Variants in DCAF12 observed in about 807,000 individuals in gnomAD.
DCAF12 encodes DDB1- and CUL4-associated factor 12.
A neutral mutation model predicts 52.8 loss-of-function variants in DCAF12; 28 were observed. That is an observed-to-expected ratio of 0.53 (90% CI 0.39 to 0.73). The LOEUF is 0.73. Among genes scored for constraint, DCAF12 ranks in the 30% least tolerant of loss-of-function variants. The probability of loss-of-function intolerance (pLI) is 0.00; values close to 1 mark genes in which losing one functional copy is unlikely to be tolerated. For missense variants in DCAF12, 425 were observed against 552.2 expected (o/e 0.77, Z 2.31); for synonymous variants, 196 against 215.5 (o/e 0.91, Z 0.79).
At position 34,087,670 on chromosome 9, in the gene DCAF12, C is replaced by T. The variant is rs890268295; in HGVS notation, c.*680G>A. 1 of 152,120 alleles carries T rather than the reference C, an allele frequency of 6.6e-6. No individual in the cohort carries two copies. The highest frequency in any genetic ancestry group is 2.4e-5 in the African/African-American group (1 of 41,436). The allele number at this position is 152,120 out of a possible 1,614,324, so 9.4% of individuals were successfully genotyped here. On this transcript the variant is annotated 3_prime_UTR_variant, in exon 9 of 9. Transcript: ENST00000361264. ...CCTGGCATGGGAGGCCCCAGGAAGC[C>T]TACAATCTAACTAAAAAGATTTTCC...
At chr9:34,090,181 A>G (rs1238523047) in intron 7 of DCAF12, among the ~76,000 whole-genome samples, 1 of 152,116 alleles carries the variant, frequency 6.6e-6, no homozygotes, top group Non-Finnish European at 1.5e-5. Flanking sequence ...CTCCTGCCTT[A>G]GCCTCCCAAG....
In DCAF12 at chr9:34,126,471, G is replaced by A. The variant is rs1454125569; in HGVS notation, c.-40C>T. 2.5e-6 allele frequency: 4 copies of A among 1,590,888 alleles called. No individual in the cohort carries two copies. Among genetic ancestry groups the A allele is most frequent in the African/African-American group, 2.7e-5 (2 of 74,804 alleles). On this transcript the variant is annotated 5_prime_UTR_variant, in exon 1 of 9. Transcript: ENST00000361264. The stretch of plus-strand genomic sequence containing the variant: ...CCGCGGCCCCGCAGCCACATGGGGC[G>A]GGGGAAGCGAAGGATAGCAGGACGG...
At chr9:34,116,120 T>C (rs1055081992) in intron 2 of DCAF12, among the ~76,000 whole-genome samples, 1 of 151,998 alleles carries the variant, frequency 6.6e-6, no homozygotes, top group African/African-American at 2.4e-5. Context: ...TCCTAGCACT[T>C]TGGGAGGTGG....
At chr9:34,098,047 A>T (rs1355311506) in intron 5 of DCAF12, among the ~76,000 whole-genome samples, 2 of 152,216 alleles carry the variant, frequency 1.3e-5, no homozygotes, top group African/African-American at 4.8e-5. Flanking sequence ...GCATGTGCAA[A>T]TGACAGACAG....
Position 34,107,509 on chromosome 9 carries a change from G to C in DCAF12, c.390C>G (p.Asp130Glu). The C allele has an allele frequency of 6.2e-7, 1 of 1,614,156 alleles. No individual in the cohort carries two copies. Among genetic ancestry groups the C allele is most frequent in the Non-Finnish European group, 8.5e-7 (1 of 1,180,028 alleles). ...GCTGGGTCACACCTCCAGGCTCCCG[G>C]TCTTTCAGAATGGGGATCTTGGTGA... ...SQITKIPILK[D>E]REPGGVTQQG... Residue 130 changes from aspartate (D) to glutamate (E), a missense_variant, in exon 3 of 9, where the codon GAC (aspartate) becomes GAG (glutamate). Around this residue, in one of 3 missense-constraint regions of DCAF12, gnomAD observed 328 missense variants for 444.4 expected, o/e 0.74. Transcript: ENST00000361264.
intron 4 of DCAF12, among the ~76,000 whole-genome samples, chr9:34,099,473 C>G (rs898468736): frequency 2.0e-5 from 3 of 151,952 alleles, no homozygotes. Context: ...CTCAAGTGAT[C>G]CACCTGCCTC....
chr9:34,112,464 T>C (rs1029147601), intron 2 of DCAF12, among the ~76,000 whole-genome samples: 5 of 148,298 alleles, frequency 3.4e-5, no homozygotes, highest in African/African-American at 1.2e-4. Context: ...TGTGGTGGCG[T>C]GAGTCTGTAA....
At chr9:34,101,835 C>T (rs1828834008) in intron 4 of DCAF12, among the ~76,000 whole-genome samples, 1 of 151,572 alleles carries the variant, frequency 6.6e-6, no homozygotes, top group Non-Finnish European at 1.5e-5. Flanking sequence ...AGCAACATGG[C>T]GAAACCCCAT....
intron 8 of DCAF12, among the ~76,000 whole-genome samples, chr9:34,088,834 G>A (rs183634267): frequency 6.6e-6 from 1 of 152,280 alleles, no homozygotes; most frequent in African/African-American, 2.4e-5. Flanking sequence ...TGGAGGTGGG[G>A]CGCAGTGGTT....
At chr9:34,103,210 GA>G (rs1828857582) in intron 4 of DCAF12, among the ~76,000 whole-genome samples, 1 of 148,836 alleles carries the variant, frequency 6.7e-6, no homozygotes, top group African/African-American at 2.5e-5. Flanking sequence ...AGGAGTTCAA[GA>G]CCAACCTGGC....
At chr9:34,091,398 A>T (rs1468505611) in intron 7 of DCAF12, among the ~76,000 whole-genome samples, 1 of 151,938 alleles carries the variant, frequency 6.6e-6, no homozygotes, top group Non-Finnish European at 1.5e-5. Flanking sequence ...ATCTTAGCAC[A>T]CACTTTGGGA....
At chr9:34,093,836 TCAGA>T in intron 6 of DCAF12, 1 of 181,462 alleles carries the variant, frequency 5.5e-6, no homozygotes, top group Admixed American at 5.5e-5. Flanking sequence ...TCAGTGCTTT[TCAGA>T]TAAAGAGGCT....
At chr9:34,103,161 C>T (rs1189739641) in intron 4 of DCAF12, among the ~76,000 whole-genome samples, 13 of 149,964 alleles carry the variant, frequency 8.7e-5, no homozygotes, top group African/African-American at 2.9e-4. Context: ...CCTGTAATCC[C>T]GGCACTTTAG....
intron 4 of DCAF12, among the ~76,000 whole-genome samples, chr9:34,101,836 G>A (rs939490878): frequency 3.3e-5 from 5 of 151,698 alleles, no homozygotes; most frequent in South Asian, 2.1e-4. Flanking sequence ...GCAACATGGC[G>A]AAACCCCATC....
In DCAF12 at chr9:34,089,531, G is replaced by C. The variant is rs1367012294; in HGVS notation, c.1084C>G (p.Leu362Val). The C allele has an allele frequency of 6.2e-7, 1 of 1,614,118 alleles. No homozygotes were observed. Among genetic ancestry groups the C allele is most frequent in the Admixed American group, 1.7e-5 (1 of 59,996 alleles). ...TGAGCTCGGATGTCATAGAACAGCA[G>C]GGAGCCCTGCCCTGTTCCCACAGTG... ...IITVGTGQGS[L>V]LFYDIRAQRF... The change falls in exon 8 of 9, where the codon CTG (leucine) becomes GTG (valine). Residue 362 changes from leucine to valine, a missense_variant. Transcript: ENST00000361264.
chr9:34,099,008 G>T (rs571342306), intron 4 of DCAF12, among the ~76,000 whole-genome samples: 1 of 150,034 alleles, frequency 6.7e-6, no homozygotes, highest in Non-Finnish European at 1.5e-5. Flanking sequence ...GAGTTCCAGC[G>T]ATCAGCCTGC....
Position 34,098,474 on chromosome 9 carries a change from A to C in DCAF12, c.645T>G (p.Asp215Glu), listed in dbSNP as rs1828774720. ...GSMGLWEVTD[D>E]VLTKSDARHN... Reference sequence around the variant, plus strand: ...GTCTCGCATCACTTTTGGTCAAAACATCATCTGTCACCTCCCAGAGTCCCA... The same window carrying C: ...GTCTCGCATCACTTTTGGTCAAAACCTCATCTGTCACCTCCCAGAGTCCCA... Residue 215 changes from aspartate to glutamate, a missense_variant, in exon 5 of 9, where the codon GAT becomes GAG. Around this residue, in one of 3 missense-constraint regions of DCAF12, gnomAD observed 328 missense variants for 444.4 expected, o/e 0.74. Coordinates refer to ENST00000361264, the MANE Select transcript of DCAF12 (RefSeq NM_015397.4). 1 of 1,614,106 alleles carries C rather than the reference A, an allele frequency of 6.2e-7. No individual in the cohort carries two copies. The highest frequency in any genetic ancestry group is 8.5e-7 in the Non-Finnish European group (1 of 1,180,024).
rs140020039 is a variant in DCAF12 at position 34,112,486 on chromosome 9, C to T, written c.334-4921G>A. Among the ~76,000 whole-genome samples the T allele has an allele frequency of 4.7e-3, 712 of 151,750 alleles. 1 individual carries two copies. Among genetic ancestry groups the T allele is most frequent in the Non-Finnish European group, 8.0e-3 (546 of 67,924 alleles). ...GCGTGAGTCTGTAATCCTGGCTACT[C>T]GGGAGGCTGAGGCAGGAGAATTGCT... On this transcript the variant is annotated intron_variant, in intron 2 of 8. Transcript: ENST00000361264.
At chr9:34,100,651 C>T (rs1828814527) in intron 4 of DCAF12, among the ~76,000 whole-genome samples, 1 of 151,108 alleles carries the variant, frequency 6.6e-6, no homozygotes, top group Non-Finnish European at 1.5e-5. Flanking sequence ...CACCCTACCA[C>T]ACCTGGCTAA....
Sources: allele counts gnomAD v4.1 joint callset (sites outside exome capture counted in the v4.1 genomes callset), GRCh38; gene constraint gnomAD v4.1.1; regional missense constraint gnomAD v4.1.1; transcripts MANE v1.5; gene names NCBI Gene and HGNC (gene_info 2026-07-23, HGNC 2026-07-21).